SULT1B1: variants seen among roughly 807,000 people sequenced by gnomAD.
SULT1B1 encodes sulfotransferase 1B1.
In SULT1B1, 28 loss-of-function variants were observed where a neutral mutation model predicts 34.6. The ratio of observed to expected loss-of-function variants is 0.81; its 90% CI spans 0.60 to 1.11. The LOEUF (loss-of-function observed/expected upper bound fraction) is 1.11. Among genes scored for constraint, SULT1B1 ranks in the 50% least tolerant of loss-of-function variants. The probability of loss-of-function intolerance (pLI) is 0.00; values close to 1 mark genes in which losing one functional copy is unlikely to be tolerated. For synonymous variants in SULT1B1, 147 were observed against 110.2 expected, an observed-to-expected ratio of 1.33 and a Z score of -2.09; for missense variants, 374 against 352.2, an observed-to-expected ratio of 1.06 and a Z score of -0.50.
Position 69,725,822 on chromosome 4 carries a change from T to C in SULT1B1, c.*1266A>G, listed in dbSNP as rs1196288571. On this transcript the variant is annotated 3_prime_UTR_variant, in exon 8 of 8. Coordinates refer to ENST00000310613, the MANE Select transcript of SULT1B1 (RefSeq NM_014465.4). ...TTAGTCATTGGTGGGAATTGAACGA[T>C]GAGAACACTTGGACACAGGAAAGGT... 6.6e-6 allele frequency: 1 copy of C among 150,424 alleles called. No homozygotes were observed. 9.3% of individuals were successfully genotyped at this position (150,424 alleles called of 1,614,324 possible). A position where few individuals can be genotyped will look rare whatever the true frequency, so the allele number is the denominator to read the frequency against.
chr4:69,744,920 T>C (rs1309278148), intron 4 of SULT1B1, among the ~76,000 whole-genome samples: 4 of 152,230 alleles, frequency 2.6e-5, no homozygotes, highest in Non-Finnish European at 4.4e-5. Context: ...TGATATGTTG[T>C]GTCTTTGTAT....
rs1210813942 is a variant in SULT1B1 at position 69,723,845 on chromosome 4, C to T, written c.*3243G>A. 3 of 152,184 alleles carry T rather than the reference C, an allele frequency of 2.0e-5. No homozygotes were observed. Among genetic ancestry groups the T allele is most frequent in the African/African-American group, 7.2e-5 (3 of 41,436 alleles). 9.4% of individuals were successfully genotyped at this position (152,184 alleles called of 1,614,324 possible). A position where few individuals can be genotyped will look rare whatever the true frequency, so the allele number is the denominator to read the frequency against. On this transcript the variant is annotated 3_prime_UTR_variant, in exon 8 of 8. Transcript: ENST00000310613. ...CAACAGCCTTCATGCTAAAAACTCT[C>T]AATAAATTAGGTATTGATGGAATGT...
intron 7 of SULT1B1, 98 bp from the exon 8 acceptor site, chr4:69,727,298 C>T: frequency 6.6e-6 from 5 of 760,740 alleles, no homozygotes; most frequent in Non-Finnish European, 9.6e-6. Flanking sequence ...TAAAGAAAGA[C>T]CTTCCTTTTA....
intron 7 of SULT1B1, among the ~76,000 whole-genome samples, chr4:69,729,952 G>T (rs539930496): frequency 3.0e-4 from 46 of 152,202 alleles, no homozygotes; most frequent in African/African-American, 1.1e-3. Context: ...AACAGTAAAT[G>T]CCATATTCTT....
rs543609620 is a variant in SULT1B1, at chr4:69,722,169, C to T, written c.*4919G>A. On this transcript the variant is annotated 3_prime_UTR_variant, in exon 8 of 8. Coordinates refer to ENST00000310613, the MANE Select transcript of SULT1B1 (RefSeq NM_014465.4). Reference sequence around the variant, plus strand: ...AATCTAAATTCTATTTTTATCTCCACTCTTCACTCAGTGCATAGAAACATA... The same window carrying T: ...AATCTAAATTCTATTTTTATCTCCATTCTTCACTCAGTGCATAGAAACATA... 1 of 152,224 alleles carries T rather than the reference C, an allele frequency of 6.6e-6. No individual in the cohort carries two copies. Among genetic ancestry groups the T allele is most frequent in the Non-Finnish European group, 1.5e-5 (1 of 67,986 alleles). 9.4% of individuals were successfully genotyped at this position (152,224 alleles called of 1,614,324 possible). A position where few individuals can be genotyped will look rare whatever the true frequency, so the allele number is the denominator to read the frequency against.
rs1194223439 is a variant in SULT1B1 at position 69,722,632 on chromosome 4, C to A, written c.*4456G>T. 1 of 152,006 alleles carries A rather than the reference C, an allele frequency of 6.6e-6. No individual in the cohort carries two copies. Among genetic ancestry groups the A allele is most frequent in the East Asian group, 1.9e-4 (1 of 5,190 alleles). The allele number at this position is 152,006 out of a possible 1,614,324, so 9.4% of individuals were successfully genotyped here. ...GTAATAAATCTATAGAAGCAAGTAT[C>A]TCCAGAATAATAGGTGTACTACTTC... is the stretch of plus-strand genomic sequence containing the variant. On this transcript the variant is annotated 3_prime_UTR_variant, in exon 8 of 8. Transcript: ENST00000310613.
rs1717829570 is a variant in SULT1B1 at position 69,726,083 on chromosome 4, A to ATATATATAT, written c.*1004_*1005insATATATATA. 6 of 56,758 alleles carry ATATATATAT rather than the reference A, an allele frequency of 1.1e-4. No homozygotes were observed. The highest frequency in any genetic ancestry group is 2.2e-4 in the Admixed American group (1 of 4,642). 3.5% of individuals were successfully genotyped at this position (56,758 alleles called of 1,614,324 possible). A position where few individuals can be genotyped will look rare whatever the true frequency, so the allele number is the denominator to read the frequency against. ...ATATATATATATATATATATATATA[A>ATATATATAT]ATGTTCCAAGAAAACATAGATCAGA... On this transcript the variant is annotated 3_prime_UTR_variant, in exon 8 of 8. Coordinates refer to ENST00000310613, the MANE Select transcript of SULT1B1 (RefSeq NM_014465.4).
chr4:69,736,921 AG>A (rs1468991422), intron 4 of SULT1B1, among the ~76,000 whole-genome samples: 3 of 152,100 alleles, frequency 2.0e-5, no homozygotes, highest in African/African-American at 7.2e-5. Flanking sequence ...TGGAAGAGTA[AG>A]GAACTGAAAC....
chr4:69,740,337 G>A (rs1489656696), intron 4 of SULT1B1, among the ~76,000 whole-genome samples: 2 of 152,232 alleles, frequency 1.3e-5, no homozygotes, highest in African/African-American at 4.8e-5. Flanking sequence ...AATCATGGTG[G>A]AAGGCAAAGG....
intron 4 of SULT1B1, among the ~76,000 whole-genome samples, chr4:69,746,150 A>G (rs1021321927): frequency 1.3e-5 from 2 of 152,102 alleles, no homozygotes; most frequent in East Asian, 1.9e-4. Flanking sequence ...CTTATTTCAC[A>G]TTGACCTCGG....
chr4:69,760,132 T>C (rs983157442), intron 1 of SULT1B1: 10 of 488,422 alleles, frequency 2.0e-5, no homozygotes, highest in Non-Finnish European at 2.1e-5. Flanking sequence ...TGAATGCATG[T>C]GAGTAGGACT....
rs181017067 is a variant in SULT1B1 at position 69,737,309 on chromosome 4, A to T, written c.376-3045T>A. On this transcript the variant is annotated intron_variant, in intron 4 of 7. Coordinates refer to ENST00000310613, the MANE Select transcript of SULT1B1 (RefSeq NM_014465.4). ...TTCTCAGAAAAAGGAAAACTAAGAG[A>T]ATCAATTGCTAGCAGACCTATCTTA... Among the ~76,000 whole-genome samples, 150 of 152,330 alleles carry T rather than the reference A, an allele frequency of 9.8e-4. 1 individual carries two copies. The East Asian group carries it at 0.02, about 20-fold the overall frequency.
chr4:69,753,808 C>T (rs1719080063), intron 3 of SULT1B1, among the ~76,000 whole-genome samples: 1 of 152,134 alleles, frequency 6.6e-6, no homozygotes, highest in South Asian at 2.1e-4. Flanking sequence ...TACATTCTAC[C>T]CTTGTGCGAA....
Position 69,734,194 on chromosome 4 carries a change from A to G in SULT1B1, c.446T>C (p.Leu149Ser). The change falls in exon 5 of 8, where the codon TTA becomes TCA. Residue 149 changes from leucine (L) to serine (S), a missense_variant. Physicochemically the swap from Leu to Ser is moderately radical, Grantham distance 145. Transcript: ENST00000310613. ...TTCCCAGGTACCAGGAAAAGGCTGT[A>G]AATTATTCATTAAGTCAAAATGGTA... The part of the protein sequence containing the change: ...SYYHFDLMNN[L>S]QPFPGTWEEY... 1 of 1,613,368 alleles carries G rather than the reference A, an allele frequency of 6.2e-7. No individual in the cohort carries two copies. The highest frequency in any genetic ancestry group is 1.1e-5 in the South Asian group (1 of 90,950).
chr4:69,753,184 C>A (rs984610850), intron 3 of SULT1B1, among the ~76,000 whole-genome samples: 1 of 152,170 alleles, frequency 6.6e-6, no homozygotes, highest in Non-Finnish European at 1.5e-5. Flanking sequence ...TTATTAATAA[C>A]CCTACACCCA....
rs1244472541 is a variant in SULT1B1 at position 69,722,548 on chromosome 4, ATGTTTC to A, written c.*4534_*4539del. On this transcript the variant is annotated 3_prime_UTR_variant, in exon 8 of 8. Coordinates refer to ENST00000310613, the MANE Select transcript of SULT1B1 (RefSeq NM_014465.4). ...TAGTCAAGATTAACTCCTATAAAAT[ATGTTTC>A]TGTGGAACATAAACACAAATTATAT... is the stretch of plus-strand genomic sequence containing the variant. 1 of 152,176 alleles carries A rather than the reference ATGTTTC, an allele frequency of 6.6e-6. No homozygotes were observed. Among genetic ancestry groups the A allele is most frequent in the Non-Finnish European group, 1.5e-5 (1 of 68,022 alleles). 9.4% of individuals were successfully genotyped at this position (152,176 alleles called of 1,614,324 possible). A position where few individuals can be genotyped will look rare whatever the true frequency, so the allele number is the denominator to read the frequency against.
Position 69,735,567 on chromosome 4 carries a change from G to A in SULT1B1, c.376-1303C>T, listed in dbSNP as rs535803539. On this transcript the variant is annotated intron_variant, in intron 4 of 7. Transcript: ENST00000310613. ...GAGAAGCCCTGTTTCTCCCAGGCCC[G>A]AAGGCTTCTCTCCAATTTTCAAAAA... Among the ~76,000 whole-genome samples the A allele has an allele frequency of 6.6e-5, 10 of 152,258 alleles. No individual in the cohort carries two copies. The East Asian group carries it at 1.2e-3, about 18-fold the overall frequency.
At chr4:69,757,601 A>C (rs143553882) in intron 1 of SULT1B1, among the ~76,000 whole-genome samples, 29 of 151,674 alleles carry the variant, frequency 1.9e-4, no homozygotes, top group African/African-American at 7.1e-4. Context: ...CACACACACA[A>C]AATCTAGGAG....
intron 7 of SULT1B1, among the ~76,000 whole-genome samples, chr4:69,728,801 GTTA>G (rs1331159622): frequency 6.6e-6 from 1 of 151,998 alleles, no homozygotes; most frequent in Non-Finnish European, 1.5e-5. Context: ...TGCCACAGGT[GTTA>G]TTATATTATC....
Sources: gnomAD v4.1 joint callset for allele counts (sites outside exome capture counted in the v4.1 genomes callset) on GRCh38, gnomAD v4.1.1 for gene constraint, MANE v1.5 for transcripts, NCBI Gene and HGNC (gene_info 2026-07-23, HGNC 2026-07-21) for gene names.